The following SPPL3 variants were observed in gnomAD, a reference collection of about 807,000 sequenced individuals.
SPPL3 encodes the protein signal peptide peptidase like 3, also known as signal peptide peptidase-like 3.
SPPL3 carries 5 observed loss-of-function variants against 42.4 expected under a neutral mutation model. The ratio of observed to expected loss-of-function variants is 0.12; its 90% CI spans 0.06 to 0.25. The LOEUF (loss-of-function observed/expected upper bound fraction) is 0.25, where lower values mean the gene tolerates loss of function less well. Among genes scored for constraint, SPPL3 ranks in the 10% least tolerant of loss-of-function variants. SPPL3 has a pLI of 1.00. For missense variants in SPPL3, 235 were observed against 489.0 expected (o/e 0.48, Z 4.90); for synonymous variants, 195 against 181.8 (o/e 1.07, Z -0.58).
intron 1 of SPPL3, among the ~76,000 whole-genome samples, chr12:120,896,653 C>T (rs1215261423): frequency 6.6e-6 from 1 of 151,994 alleles, no homozygotes; most frequent in Non-Finnish European, 1.5e-5. Flanking sequence ...GTGGTGTGCA[C>T]CTGTAATCCC....
chr12:120,825,374 A>G (rs1263335966), intron 1 of SPPL3, among the ~76,000 whole-genome samples: 1 of 152,114 alleles, frequency 6.6e-6, no homozygotes, highest in East Asian at 1.9e-4. Flanking sequence ...TCAGAGAAAA[A>G]TTTTTCTGTG....
At chr12:120,869,723 C>T (rs558565439) in intron 1 of SPPL3, among the ~76,000 whole-genome samples, 7 of 152,278 alleles carry the variant, frequency 4.6e-5, no homozygotes, top group African/African-American at 1.4e-4. Flanking sequence ...TTTGTAGCTG[C>T]AATTCACCAT....
intron 1 of SPPL3, among the ~76,000 whole-genome samples, chr12:120,811,959 C>T (rs1432980848): frequency 2.6e-5 from 4 of 151,944 alleles, no homozygotes; most frequent in African/African-American, 9.7e-5. Context: ...AGTCTAAGAA[C>T]AGGGGAGCTT....
intron 1 of SPPL3, among the ~76,000 whole-genome samples, chr12:120,840,551 A>T (rs1871784317): frequency 6.6e-6 from 1 of 152,010 alleles, no homozygotes. Flanking sequence ...TTGCACAACT[A>T]AAAACCAGAA....
chr12:120,821,091 A>G (rs1810439818), intron 1 of SPPL3, among the ~76,000 whole-genome samples: 1 of 152,252 alleles, frequency 6.6e-6, no homozygotes, highest in South Asian at 2.1e-4. Flanking sequence ...GAGCAAATTC[A>G]TATGAAAGAA....
At position 120,764,610 on chromosome 12, in the gene SPPL3, T is replaced by G. The variant is rs1017100831; in HGVS notation, c.*389A>C. 7 of 355,014 alleles carry G rather than the reference T, an allele frequency of 2.0e-5. No individual in the cohort carries two copies. Among genetic ancestry groups the G allele is most frequent in the Non-Finnish European group, 3.5e-5 (7 of 199,318 alleles). 22.0% of individuals were successfully genotyped at this position (355,014 alleles called of 1,614,324 possible). A position where few individuals can be genotyped will look rare whatever the true frequency, so the allele number is the denominator to read the frequency against. On this transcript the variant is annotated 3_prime_UTR_variant, in exon 11 of 11. Coordinates refer to ENST00000353487, the MANE Select transcript of SPPL3 (RefSeq NM_139015.5). The stretch of plus-strand genomic sequence containing the variant: ...GAGGGGTCATTGAAGAAACTTCGGT[T>G]TGCTAATTTTTTTCATCCTTTTAGT...
At chr12:120,903,073 TTAAC>T (rs1874033754) in intron 1 of SPPL3, among the ~76,000 whole-genome samples, 1 of 152,114 alleles carries the variant, frequency 6.6e-6, no homozygotes, top group Non-Finnish European at 1.5e-5. Context: ...AGAAATGAAC[TTAAC>T]TTGCAGGTCC....
intron 1 of SPPL3, among the ~76,000 whole-genome samples, chr12:120,829,601 AG>A (rs1425942243): frequency 6.6e-6 from 1 of 152,078 alleles, no homozygotes; most frequent in African/African-American, 2.4e-5. Flanking sequence ...GCCTCAAAAA[AG>A]AAAAAAAACA....
chr12:120,897,012 C>T (rs944806205), intron 1 of SPPL3, among the ~76,000 whole-genome samples: 1 of 152,186 alleles, frequency 6.6e-6, no homozygotes, highest in African/African-American at 2.4e-5. Context: ...GTTATCAACA[C>T]TCTCTTTCTC....
rs115282813 is a variant in SPPL3 at position 120,828,080 on chromosome 12, G to A, written c.24-17194C>T. ...TGGGATTACAGGCATGAGCCACCAC[G>A]TCTGGCCTAAGTCTCAAATAATTTA... On this transcript the variant is annotated intron_variant, in intron 1 of 10. Coordinates refer to ENST00000353487, the MANE Select transcript of SPPL3 (RefSeq NM_139015.5). Among the ~76,000 whole-genome samples, 516 of 152,284 alleles carry A rather than the reference G, an allele frequency of 3.4e-3. 3 individuals carry two copies. The highest frequency in any genetic ancestry group is 0.012 in the African/African-American group (499 of 41,558).
rs928927065 is a variant in SPPL3 at position 120,904,248 on chromosome 12, G to GGGCGGC, written c.-387_-382dup. 3 of 177,088 alleles carry GGGCGGC rather than the reference G, an allele frequency of 1.7e-5. No individual in the cohort carries two copies. Among genetic ancestry groups the GGGCGGC allele is most frequent in the South Asian group, 3.4e-4 (2 of 5,858 alleles). 11.0% of individuals were successfully genotyped at this position (177,088 alleles called of 1,614,324 possible). ...GCGGGGCCGCGGGAGCGCCGCGCTC[G>GGGCGGC]GGCGGCGGCGGCGGCGGCCGGGGGA... is the stretch of plus-strand genomic sequence containing the variant. On this transcript the variant is annotated 5_prime_UTR_variant, in exon 1 of 11. Transcript: ENST00000353487.
intron 6 of SPPL3, among the ~76,000 whole-genome samples, chr12:120,775,606 G>C (rs937873138): frequency 2.6e-5 from 4 of 152,202 alleles, no homozygotes; most frequent in Admixed American, 6.5e-5. Context: ...GGGATAGACT[G>C]TAAACCAGGT....
intron 6 of SPPL3, among the ~76,000 whole-genome samples, chr12:120,781,578 T>TTTTTTTTTTTTTTTTTTTTTA (rs1869547033): frequency 8.4e-6 from 1 of 118,766 alleles, no homozygotes; most frequent in East Asian, 3.1e-4. Flanking sequence ...TTTTTTTTTT[T>TTTTTTTTTTTTTTTTTTTTTA]TTTTTTTTTT....
chr12:120,819,841 G>A (rs1592978428), intron 1 of SPPL3, among the ~76,000 whole-genome samples: 1 of 151,862 alleles, frequency 6.6e-6, no homozygotes, highest in Non-Finnish European at 1.5e-5. Flanking sequence ...TAAGCTGGGT[G>A]CCTGGTGATG....
At chr12:120,781,555 G>GTGTTTTTTTTTTTTTTTTTTTTTTTTT (rs1869541007) in intron 6 of SPPL3, among the ~76,000 whole-genome samples, 1 of 62,994 alleles carries the variant, frequency 1.6e-5, no homozygotes, top group African/African-American at 6.8e-5. Context: ...TTATTGTTAC[G>GTGTTTTTTTTTTTTTTTTTTTTTTTTT]TTTTTTTTTT....
At chr12:120,828,915 C>T (rs1871308984) in intron 1 of SPPL3, among the ~76,000 whole-genome samples, 1 of 151,896 alleles carries the variant, frequency 6.6e-6, no homozygotes, top group Non-Finnish European at 1.5e-5. Context: ...GCTACCACTT[C>T]CGGCTAAGTT....
At chr12:120,881,626 T>C (rs182869489) in intron 1 of SPPL3, among the ~76,000 whole-genome samples, 39 of 150,956 alleles carry the variant, frequency 2.6e-4, no homozygotes, top group African/African-American at 9.3e-4. Flanking sequence ...GTATTACTCA[T>C]AGTAACTAAA....
At chr12:120,826,286 T>C (rs1016741187) in intron 1 of SPPL3, among the ~76,000 whole-genome samples, 17 of 76,606 alleles carry the variant, frequency 2.2e-4, no homozygotes, top group Non-Finnish European at 3.8e-4. Context: ...AGATTGAAAC[T>C]GTCTCCAAAA....
In SPPL3 at chr12:120,764,521, G is replaced by A; in HGVS notation, c.*478C>T. The A allele has an allele frequency of 4.7e-6, 1 of 212,670 alleles. No homozygotes were observed. The highest frequency in any genetic ancestry group is 9.3e-6 in the Non-Finnish European group (1 of 108,024). 13.2% of individuals were successfully genotyped at this position (212,670 alleles called of 1,614,324 possible). A position where few individuals can be genotyped will look rare whatever the true frequency, so the allele number is the denominator to read the frequency against. ...AAAAGGAAAGAAGAATATAACGACA[G>A]AAGAGCTTCTGTCTCAGTTCTCTGA... On this transcript the variant is annotated 3_prime_UTR_variant, in exon 11 of 11. Coordinates refer to ENST00000353487, the MANE Select transcript of SPPL3 (RefSeq NM_139015.5).
Sources: gnomAD v4.1 joint callset for allele counts (sites outside exome capture counted in the v4.1 genomes callset) on GRCh38, gnomAD v4.1.1 for gene constraint, MANE v1.5 for transcripts, NCBI Gene and HGNC (gene_info 2026-07-23, HGNC 2026-07-21) for gene names.